Variants in TRMT11 observed in about 807,000 individuals in gnomAD.
The protein encoded by TRMT11 is tRNA (guanine(10)-N(2))-methyltransferase TRMT11.
In TRMT11, 53 loss-of-function variants were observed where a neutral mutation model predicts 62.8. The ratio of observed to expected loss-of-function variants is 0.84; its 90% CI spans 0.68 to 1.06. The LOEUF (loss-of-function observed/expected upper bound fraction) is 1.06. Ranked by LOEUF, TRMT11 falls within the 50% of genes least tolerant of loss-of-function variation. TRMT11 has a pLI of 0.00. For missense variants in TRMT11, 556 were observed against 553.4 expected (o/e 1.00, Z -0.05); for synonymous variants, 188 against 190.3 (o/e 0.99, Z 0.10).
intron 2 of TRMT11, among the ~76,000 whole-genome samples, chr6:126,199,357 T>C (rs1204065717): frequency 6.6e-6 from 1 of 152,184 alleles, no homozygotes; most frequent in East Asian, 1.9e-4. Context: ...TGTTTTTTTC[T>C]TCCAATCTCA....
chr6:126,257,876 G>A, the TRMT11 span: 1 of 1,339,942 alleles, frequency 7.5e-7, no homozygotes, highest in Non-Finnish European at 1.1e-6. Context: ...GAGGTCGGGG[G>A]GACAGTGATT....
chr6:126,212,161 C>T, the TRMT11 span, among the ~76,000 whole-genome samples: 9 of 152,086 alleles, frequency 5.9e-5, no homozygotes, highest in African/African-American at 2.2e-4. Flanking sequence ...TTTCTTTATC[C>T]ATTTGTCTGC....
rs568138013 is a variant in TRMT11 at position 126,055,895 on chromosome 6, A to G, written c.*1437+2705A>G. ...AAAACAGTTCAAAAGCGTATACCCA[A>G]TGAAAAGTTTCCCTCTTTCTTCTTC... On this transcript the variant is annotated intron_variant and NMD_transcript_variant, in intron 17 of 22. Coordinates refer to the TRMT11 transcript ENST00000648977. Among the ~76,000 whole-genome samples the G allele has an allele frequency of 1.2e-4, 18 of 152,262 alleles. No homozygotes were observed. In the South Asian group the frequency reaches 2.3e-3, roughly 19 times the overall value.
At chr6:126,221,468 G>T in the TRMT11 span, among the ~76,000 whole-genome samples, 2 of 152,052 alleles carry the variant, frequency 1.3e-5, no homozygotes, top group African/African-American at 4.8e-5. Context: ...GTGTAAGATG[G>T]TATCTTACTG....
chr6:126,038,447 A>AAAG (rs1197946206), intron 12 of TRMT11, among the ~76,000 whole-genome samples: 4 of 150,298 alleles, frequency 2.7e-5, no homozygotes, highest in African/African-American at 9.7e-5. Context: ...CAAAAAAAAA[A>AAAG]AAAAAAGAAA....
intron 1 of TRMT11, chr6:125,987,110 A>G (rs1645960956): frequency 6.3e-6 from 1 of 158,518 alleles, no homozygotes; most frequent in Non-Finnish European, 1.4e-5. Flanking sequence ...GCATGTAACG[A>G]TGATGTAAGC....
intron 8 of TRMT11, among the ~76,000 whole-genome samples, chr6:126,010,970 A>G (rs759396463): frequency 4.6e-5 from 7 of 152,146 alleles, no homozygotes; most frequent in Admixed American, 1.3e-4. Flanking sequence ...CTTCAACTCT[A>G]TCTTACTACA....
chr6:126,084,102 A>C (rs897821270), intron 17 of TRMT11, among the ~76,000 whole-genome samples: 1 of 152,192 alleles, frequency 6.6e-6, no homozygotes, highest in African/African-American at 2.4e-5. Flanking sequence ...CTTTGGCTAC[A>C]TGCCTAGAAA....
intron 8 of TRMT11, chr6:126,008,682 A>G: frequency 1.4e-6 from 1 of 691,996 alleles, no homozygotes; most frequent in Non-Finnish European, 2.7e-6. Context: ...GGTGATGAGG[A>G]TGAAGACCTT....
At chr6:126,192,667 A>G (rs980009399) in intron 1 of TRMT11, among the ~76,000 whole-genome samples, 11 of 152,138 alleles carry the variant, frequency 7.2e-5, no homozygotes, top group African/African-American at 2.7e-4. Context: ...GTTGAGTTTT[A>G]TCAAATAATT....
the TRMT11 span, among the ~76,000 whole-genome samples, chr6:126,210,980 CTTTT>C: frequency 4.6e-5 from 6 of 131,680 alleles, no homozygotes; most frequent in Admixed American, 7.7e-5. Flanking sequence ...ATAACATTCC[CTTTT>C]TTTTTTTTTT....
the TRMT11 span, among the ~76,000 whole-genome samples, chr6:126,228,799 A>G: frequency 6.6e-6 from 1 of 152,310 alleles, no homozygotes; most frequent in African/African-American, 2.4e-5. Flanking sequence ...CTCCACGAGC[A>G]TTTGGGCACT....
intron 21 of TRMT11, among the ~76,000 whole-genome samples, chr6:126,143,690 A>C (rs1777944299): frequency 6.6e-6 from 1 of 152,184 alleles, no homozygotes; most frequent in Non-Finnish European, 1.5e-5. Flanking sequence ...AATTAGATCT[A>C]TAAGTTTGAG....
At chr6:126,072,219 G>A (rs1185420212) in intron 17 of TRMT11, among the ~76,000 whole-genome samples, 1 of 152,152 alleles carries the variant, frequency 6.6e-6, no homozygotes, top group African/African-American at 2.4e-5. Context: ...AAAAATTGGT[G>A]GGCATTTTCT....
At chr6:126,088,153 A>T (rs1356417836) in intron 17 of TRMT11, among the ~76,000 whole-genome samples, 1 of 151,984 alleles carries the variant, frequency 6.6e-6, no homozygotes, top group African/African-American at 2.4e-5. Flanking sequence ...TATAGTATAT[A>T]TACTCTCTAT....
chr6:126,065,923 G>A (rs1340055554), intron 17 of TRMT11, among the ~76,000 whole-genome samples: 1 of 152,196 alleles, frequency 6.6e-6, no homozygotes, highest in Non-Finnish European at 1.5e-5. Context: ...AAGGACCGTT[G>A]CTGAGACAGA....
At chr6:126,165,451 C>G (rs1778247182) in intron 21 of TRMT11, among the ~76,000 whole-genome samples, 1 of 152,094 alleles carries the variant, frequency 6.6e-6, no homozygotes, top group Non-Finnish European at 1.5e-5. Context: ...GTGCTTCCTT[C>G]AGGAGTTCTT....
intron 11 of TRMT11, among the ~76,000 whole-genome samples, chr6:126,019,353 T>C (rs1165468331): frequency 2.6e-5 from 4 of 152,208 alleles, no homozygotes; most frequent in Admixed American, 2.6e-4. Context: ...TAAAACCAAA[T>C]GCAGCAACTT....
chr6:126,260,666 C>T, the TRMT11 span, among the ~76,000 whole-genome samples: 1 of 152,096 alleles, frequency 6.6e-6, no homozygotes, highest in East Asian at 1.9e-4. Context: ...GTCTTTATTT[C>T]TCTTTTATTT....
Sources: gnomAD v4.1 joint callset for allele counts (sites outside exome capture counted in the v4.1 genomes callset) on GRCh38, gnomAD v4.1.1 for gene constraint, MANE v1.5 for transcripts, NCBI Gene and HGNC (gene_info 2026-07-23, HGNC 2026-07-21) for gene names.